PDS5B: variants seen among roughly 807,000 people sequenced by gnomAD.
PDS5B encodes the protein PDS5 cohesin associated factor B.
In PDS5B, 51 loss-of-function variants were observed where a neutral mutation model predicts 184.1. The ratio of observed to expected loss-of-function variants is 0.28; its 90% CI spans 0.22 to 0.35. PDS5B has a LOEUF of 0.35. PDS5B is among the 10% of genes least tolerant of loss of function. PDS5B has a pLI of 1.00. For synonymous variants in PDS5B, 566 were observed against 569.2 expected (o/e 0.99, Z 0.08); for missense variants, 1,180 against 1,723.3 (o/e 0.68, Z 5.58).
intron 19 of PDS5B, among the ~76,000 whole-genome samples, chr13:32,723,798 TTA>T (rs553561919): frequency 1.9e-3 from 293 of 152,342 alleles, no homozygotes; most frequent in African/African-American, 6.6e-3. Context: ...TAATAATCTT[TTA>T]TTTCACAAAG....
intron 17 of PDS5B, among the ~76,000 whole-genome samples, chr13:32,702,768 C>T (rs886794450): frequency 2.0e-5 from 3 of 152,048 alleles, no homozygotes; most frequent in Admixed American, 6.6e-5. Flanking sequence ...TGAGATGATC[C>T]TTAAAAAGCC....
intron 19 of PDS5B, among the ~76,000 whole-genome samples, chr13:32,731,513 A>T (rs913607779): frequency 6.7e-6 from 1 of 148,876 alleles, no homozygotes; most frequent in African/African-American, 2.6e-5. Context: ...ATCTTTAAAA[A>T]TTTTTTTCTC....
intron 19 of PDS5B, among the ~76,000 whole-genome samples, chr13:32,727,071 A>C (rs948668209): frequency 6.6e-6 from 1 of 152,156 alleles, no homozygotes; most frequent in African/African-American, 2.4e-5. Flanking sequence ...ACTTACTGTA[A>C]TTATTGATAT....
At chr13:32,656,604 T>TG (rs1214113798) in intron 3 of PDS5B, among the ~76,000 whole-genome samples, 1 of 150,588 alleles carries the variant, frequency 6.6e-6, no homozygotes, top group African/African-American at 2.4e-5. Context: ...GCTTTTTTTT[T>TG]TTTTTTTTAA....
chr13:32,667,720 C>A, intron 6 of PDS5B, 44 bp from the exon 7 acceptor site: 3 of 1,203,202 alleles, frequency 2.5e-6, no homozygotes, highest in South Asian at 2.9e-5. Context: ...TTTTGCTTTT[C>A]ATAGTTAGAG....
intron 17 of PDS5B, among the ~76,000 whole-genome samples, chr13:32,704,567 C>T (rs1465251317): frequency 6.6e-6 from 1 of 152,230 alleles, no homozygotes; most frequent in Non-Finnish European, 1.5e-5. Context: ...GTATGAACTC[C>T]ATTTACAGAA....
At chr13:32,737,774 C>G (rs945218495) in intron 21 of PDS5B, among the ~76,000 whole-genome samples, 2 of 152,086 alleles carry the variant, frequency 1.3e-5, no homozygotes, top group African/African-American at 2.4e-5. Context: ...ATTTGTATAA[C>G]ATGTTTCATA....
At chr13:32,629,381 T>C (rs564559933) in intron 1 of PDS5B, among the ~76,000 whole-genome samples, 1 of 152,294 alleles carries the variant, frequency 6.6e-6, no homozygotes, top group Admixed American at 6.5e-5. Context: ...GTTGGCTACA[T>C]TGGATACCTT....
chr13:32,676,676 AAT>A (rs1366410262), intron 9 of PDS5B, among the ~76,000 whole-genome samples: 1 of 152,200 alleles, frequency 6.6e-6, no homozygotes, highest in Non-Finnish European at 1.5e-5. Flanking sequence ...TCATGCCTGT[AAT>A]CCTAGCACTT....
At position 32,767,169 on chromosome 13, in the gene PDS5B, A is replaced by T. The variant is rs150286653; in HGVS notation, c.3624+2575A>T. ...AAAACCAAAAACAAAATAATTTCAG[A>T]TCATGCCAAGAGGACATAAATAAAA... On this transcript the variant is annotated intron_variant, in intron 31 of 34. Transcript: ENST00000315596. Among the ~76,000 whole-genome samples the T allele has an allele frequency of 3.6e-4, 55 of 152,290 alleles. 1 individual carries two copies. In the East Asian group the frequency reaches 9.6e-3, roughly 27 times the overall value.
intron 13 of PDS5B, among the ~76,000 whole-genome samples, chr13:32,693,945 C>T (rs1038541025): frequency 6.6e-5 from 10 of 151,702 alleles, no homozygotes; most frequent in Middle Eastern, 3.2e-3. Context: ...CCTGCTACAA[C>T]ACCTTACGCT....
chr13:32,724,926 A>C (rs1593527354), intron 19 of PDS5B, among the ~76,000 whole-genome samples: 1 of 152,130 alleles, frequency 6.6e-6, no homozygotes, highest in Admixed American at 6.5e-5. Context: ...CAGAGACCTC[A>C]TTGGATTCTG....
intron 20 of PDS5B, 80 bp from the exon 21 acceptor site, chr13:32,735,092 G>A: frequency 2.4e-6 from 2 of 828,938 alleles, no homozygotes; most frequent in Non-Finnish European, 3.5e-6. Flanking sequence ...AATAAATTTT[G>A]TAATTTGAAA....
intron 11 of PDS5B, among the ~76,000 whole-genome samples, chr13:32,684,925 A>C (rs1951342986): frequency 2.6e-5 from 4 of 152,318 alleles, no homozygotes; most frequent in Middle Eastern, 3.4e-3. Context: ...CATTCTGGCT[A>C]ACATGGCGAA....
At chr13:32,672,991 ATGTT>A (rs1292726453) in intron 7 of PDS5B, among the ~76,000 whole-genome samples, 1 of 152,194 alleles carries the variant, frequency 6.6e-6, no homozygotes, top group East Asian at 1.9e-4. Flanking sequence ...GAAAAGTAGA[ATGTT>A]TATTGAAATG....
At chr13:32,608,402 C>T (rs1277516741) in intron 1 of PDS5B, among the ~76,000 whole-genome samples, 2 of 152,152 alleles carry the variant, frequency 1.3e-5, no homozygotes, top group African/African-American at 4.8e-5. Flanking sequence ...ATTACACTTC[C>T]ATCTCTGTCA....
At chr13:32,608,940 T>G (rs970568608) in intron 1 of PDS5B, among the ~76,000 whole-genome samples, 2 of 152,206 alleles carry the variant, frequency 1.3e-5, no homozygotes, top group East Asian at 3.8e-4. Flanking sequence ...CACTTTTGTC[T>G]TCTAAATTTC....
At position 32,691,982 on chromosome 13, in the gene PDS5B, CACT is replaced by C. The variant is rs142775819; in HGVS notation, c.1470-2235_1470-2233del. Among the ~76,000 whole-genome samples the C allele has an allele frequency of 8.2e-3, 1,244 of 152,144 alleles. 17 individuals are homozygous for C. Among genetic ancestry groups the C allele is most frequent in the African/African-American group, 0.028 (1,159 of 41,536 alleles). Reference sequence around the variant, plus strand: ...AATGTTCTGATTTCACCACACTCCCCACTACTACGTATTGCAACACCTGTTCCT... The same window carrying C: ...AATGTTCTGATTTCACCACACTCCCCACTACGTATTGCAACACCTGTTCCT... On this transcript the variant is annotated intron_variant, in intron 13 of 34. Transcript: ENST00000315596.
At chr13:32,750,566 G>C (rs1037267865) in intron 24 of PDS5B, among the ~76,000 whole-genome samples, 2 of 151,696 alleles carry the variant, frequency 1.3e-5, no homozygotes, top group Non-Finnish European at 2.9e-5. Flanking sequence ...CCCCAAAATG[G>C]AGTCTTGCTC....
Sources: allele counts gnomAD v4.1 joint callset (sites outside exome capture counted in the v4.1 genomes callset), GRCh38; gene constraint gnomAD v4.1.1; transcripts MANE v1.5; gene names NCBI Gene and HGNC (gene_info 2026-07-23, HGNC 2026-07-21).